C12orf42: variants seen among roughly 807,000 people sequenced by gnomAD.
The protein encoded by C12orf42 is uncharacterized protein C12orf42.
In C12orf42, 25 loss-of-function variants were observed where a neutral mutation model predicts 21.6. The ratio of observed to expected loss-of-function variants is 1.16; its 90% confidence interval spans 0.84 to 1.62. The LOEUF (loss-of-function observed/expected upper bound fraction) is 1.62, where lower values mean the gene tolerates loss of function less well. Among genes scored for constraint, C12orf42 ranks in the 40% most tolerant of loss-of-function variants. C12orf42 has a pLI of 0.00. For synonymous variants in C12orf42, 174 were observed against 175.0 expected (o/e 0.99, Z 0.05); for missense variants, 483 against 459.3 (o/e 1.05, Z -0.47).
At chr12:103,140,524 G>A in the C12orf42 span, among the ~76,000 whole-genome samples, 4 of 152,220 alleles carry the variant, frequency 2.6e-5, no homozygotes, top group Admixed American at 1.3e-4. Flanking sequence ...GGCCAACACC[G>A]CAAAAGAGTC....
At chr12:103,338,653 G>A (rs766302076) in intron 4 of C12orf42, among the ~76,000 whole-genome samples, 2 of 152,088 alleles carry the variant, frequency 1.3e-5, no homozygotes, top group Admixed American at 1.3e-4. Flanking sequence ...CAACATATTC[G>A]CCCTTTTTTT....
chr12:103,146,461 C>A, the C12orf42 span, among the ~76,000 whole-genome samples: 5 of 126,416 alleles, frequency 4.0e-5, no homozygotes, highest in Admixed American at 3.7e-4. Context: ...GCCTGGCCAA[C>A]AGAGTGAGAC....
At chr12:103,052,272 T>C in the C12orf42 span, among the ~76,000 whole-genome samples, 1 of 152,308 alleles carries the variant, frequency 6.6e-6, no homozygotes, top group East Asian at 1.9e-4. Context: ...GCCAAATGAC[T>C]TTTTGAAGTG....
the C12orf42 span, among the ~76,000 whole-genome samples, chr12:103,508,202 T>C: frequency 1.3e-5 from 2 of 152,030 alleles, no homozygotes; most frequent in African/African-American, 2.4e-5. Context: ...TTTCAACTTA[T>C]GAAACAAAAA....
At chr12:103,556,797 A>C in the C12orf42 span, among the ~76,000 whole-genome samples, 1 of 152,176 alleles carries the variant, frequency 6.6e-6, no homozygotes. Context: ...AAAGATCTTA[A>C]GATGAGATCA....
chr12:103,425,813 A>G (rs1235841382), intron 2 of C12orf42, among the ~76,000 whole-genome samples: 1 of 152,054 alleles, frequency 6.6e-6, no homozygotes, highest in Non-Finnish European at 1.5e-5. Context: ...GAGGTGAGGA[A>G]TCTAGAGAGG....
intron 4 of C12orf42, among the ~76,000 whole-genome samples, chr12:103,318,169 G>A (rs1445672757): frequency 2.0e-5 from 3 of 152,080 alleles, no homozygotes; most frequent in Non-Finnish European, 2.9e-5. Flanking sequence ...TGTGCCTGTA[G>A]TCTTAGCTAC....
At chr12:103,322,123 GCGCACACACACACACA>G (rs1566077867) in intron 4 of C12orf42, among the ~76,000 whole-genome samples, 1,221 of 119,194 alleles carry the variant, frequency 0.01, 16 homozygotes, top group African/African-American at 0.037. Flanking sequence ...GCGCGCGCGC[GCGCACACACACACACA>G]CACACACACA....
At chr12:103,228,032 T>A in the C12orf42 span, among the ~76,000 whole-genome samples, 1 of 152,126 alleles carries the variant, frequency 6.6e-6, no homozygotes, top group East Asian at 1.9e-4. Context: ...ATCTTTCTAA[T>A]GGAGCGAAGA....
chr12:103,235,895 C>A (rs980556182), downstream of C12orf42, among the ~76,000 whole-genome samples: 2 of 152,202 alleles, frequency 1.3e-5, no homozygotes, highest in African/African-American at 2.4e-5. Context: ...TATGGAATAA[C>A]TTAGTTTAAA....
the C12orf42 span, among the ~76,000 whole-genome samples, chr12:103,075,304 T>C: frequency 3.9e-5 from 6 of 152,300 alleles, no homozygotes; most frequent in South Asian, 8.3e-4. Context: ...TTTTTTCCTC[T>C]TTTAATGAAA....
chr12:103,246,198 CA>C (rs1310932705), intron 10 of C12orf42, among the ~76,000 whole-genome samples: 1 of 152,028 alleles, frequency 6.6e-6, no homozygotes, highest in East Asian at 1.9e-4. Context: ...AAATTCAAAA[CA>C]TGGAAGCCCT....
the C12orf42 span, among the ~76,000 whole-genome samples, chr12:103,116,033 G>C: frequency 6.6e-6 from 1 of 152,114 alleles, no homozygotes; most frequent in Admixed American, 6.5e-5. Flanking sequence ...GCCAAAATGG[G>C]GAGCTGATCA....
At chr12:103,432,110 G>A (rs1236054103) in intron 2 of C12orf42, among the ~76,000 whole-genome samples, 2 of 152,102 alleles carry the variant, frequency 1.3e-5, no homozygotes, top group Non-Finnish European at 2.9e-5. Flanking sequence ...CACATGTGTA[G>A]TGTGTTTACT....
At chr12:103,479,505 C>CT (rs1954308954) in intron 1 of C12orf42, among the ~76,000 whole-genome samples, 1 of 152,016 alleles carries the variant, frequency 6.6e-6, no homozygotes, top group East Asian at 1.9e-4. Context: ...GTTGGATATG[C>CT]TTGGTTGTTC....
chr12:103,534,220 A>G, the C12orf42 span, among the ~76,000 whole-genome samples: 5 of 152,238 alleles, frequency 3.3e-5, no homozygotes, highest in Non-Finnish European at 7.3e-5. Flanking sequence ...ATATCTGCCA[A>G]TCGCTGTGTA....
chr12:103,275,896 C>T (rs571735902), intron 5 of C12orf42, among the ~76,000 whole-genome samples: 98 of 152,126 alleles, frequency 6.4e-4, no homozygotes, highest in African/African-American at 2.3e-3. Flanking sequence ...AATAGGGAGA[C>T]ATTGTCTCTA....
At chr12:103,131,369 T>C in the C12orf42 span, among the ~76,000 whole-genome samples, 12 of 152,332 alleles carry the variant, frequency 7.9e-5, no homozygotes, top group East Asian at 2.3e-3. Flanking sequence ...ATGAATTTAC[T>C]ATATTTCTCT....
chr12:103,110,310 G>C, the C12orf42 span, among the ~76,000 whole-genome samples: 4 of 152,340 alleles, frequency 2.6e-5, no homozygotes, highest in Admixed American at 2.6e-4. Context: ...CCTTGAGTAT[G>C]AAGGCATTTA....
Sources: allele counts gnomAD v4.1 joint callset (sites outside exome capture counted in the v4.1 genomes callset), GRCh38; gene constraint gnomAD v4.1.1; transcripts MANE v1.5; gene names NCBI Gene and HGNC (gene_info 2026-07-23, HGNC 2026-07-21).